CWC27: variants seen among roughly 807,000 people sequenced by gnomAD.
CWC27 encodes the protein spliceosome-associated protein CWC27 homolog.
CWC27 carries 47 observed loss-of-function variants against 63.6 expected under a neutral mutation model. The ratio of observed to expected loss-of-function variants is 0.74; its 90% confidence interval spans 0.58 to 0.94. The LOEUF (loss-of-function observed/expected upper bound fraction) is 0.94, where lower values mean the gene tolerates loss of function less well. Among genes scored for constraint, CWC27 ranks in the 40% least tolerant of loss-of-function variants. The pLI, the probability that CWC27 is intolerant of heterozygous loss-of-function variation, is 0.00. For synonymous variants in CWC27, 175 were observed against 179.8 expected (o/e 0.97, Z 0.22); for missense variants, 495 against 554.3 (o/e 0.89, Z 1.07).
At chr5:64,984,233 T>C (rs563888907) in intron 13 of CWC27, among the ~76,000 whole-genome samples, 267 of 152,242 alleles carry the variant, frequency 1.8e-3, no homozygotes, top group African/African-American at 6.1e-3. Flanking sequence ...CTCTATGGGG[T>C]AGGTATTATT....
intron 10 of CWC27, among the ~76,000 whole-genome samples, chr5:64,810,784 G>A (rs982013144): frequency 7.0e-4 from 106 of 152,052 alleles, no homozygotes; most frequent in African/African-American, 2.5e-3. Context: ...GATTATTTCT[G>A]AGGTATAGAA....
In CWC27 at chr5:64,925,257, C is replaced by T. The variant is rs1336950435; in HGVS notation, c.1042+39711C>T. Among the ~76,000 whole-genome samples the T allele has an allele frequency of 6.6e-5, 10 of 152,276 alleles. No homozygotes were observed. The East Asian group carries it at 1.9e-3, about 29-fold the overall frequency. ...ATTTCAGGCACACCTTTGTCAGAGG[C>T]TAAAATGATGTCAAGTAGACCTGAA... On this transcript the variant is annotated intron_variant, in intron 11 of 13. Transcript: ENST00000381070.
chr5:64,890,101 G>C (rs1019053112), intron 11 of CWC27, among the ~76,000 whole-genome samples: 1 of 152,182 alleles, frequency 6.6e-6, no homozygotes, highest in African/African-American at 2.4e-5. Context: ...GCTTTAAAGA[G>C]ATAAGGTGTT....
intron 10 of CWC27, among the ~76,000 whole-genome samples, chr5:64,817,121 C>T (rs1745058941): frequency 6.6e-6 from 1 of 152,040 alleles, no homozygotes; most frequent in Admixed American, 6.6e-5. Context: ...ACTCTTTTTG[C>T]TCACTTTGCA....
intron 10 of CWC27, among the ~76,000 whole-genome samples, chr5:64,843,088 T>C (rs1041694088): frequency 2.6e-5 from 4 of 152,280 alleles, no homozygotes; most frequent in Admixed American, 1.3e-4. Context: ...GATTTATCTG[T>C]GTTTTTCTAA....
intron 10 of CWC27, among the ~76,000 whole-genome samples, chr5:64,883,803 C>T (rs766615808): frequency 6.6e-6 from 1 of 152,148 alleles, no homozygotes; most frequent in Non-Finnish European, 1.5e-5. Flanking sequence ...ATAATAATCA[C>T]TTGATTTGAG....
chr5:64,978,658 C>CT (rs1749276692), intron 13 of CWC27, among the ~76,000 whole-genome samples: 1 of 141,548 alleles, frequency 7.1e-6, no homozygotes, highest in East Asian at 2.1e-4. Context: ...CTCAAAATCT[C>CT]TTTCAAATGT....
intron 11 of CWC27, among the ~76,000 whole-genome samples, chr5:64,898,587 A>T (rs1384260223): frequency 6.6e-6 from 1 of 152,080 alleles, no homozygotes; most frequent in Non-Finnish European, 1.5e-5. Flanking sequence ...ACGTACAAGG[A>T]GTGTCATTAG....
At chr5:64,922,903 A>G (rs1370322335) in intron 11 of CWC27, among the ~76,000 whole-genome samples, 1 of 151,700 alleles carries the variant, frequency 6.6e-6, no homozygotes, top group African/African-American at 2.4e-5. Context: ...TCAGCTTCAC[A>G]CTCCTGGGCT....
intron 10 of CWC27, among the ~76,000 whole-genome samples, chr5:64,847,344 A>G (rs546703862): frequency 3.4e-4 from 52 of 152,240 alleles, no homozygotes; most frequent in Non-Finnish European, 6.9e-4. Flanking sequence ...TACAACAATT[A>G]TAAATATGTT....
At chr5:64,887,175 A>T (rs988428229) in intron 11 of CWC27, among the ~76,000 whole-genome samples, 2 of 152,108 alleles carry the variant, frequency 1.3e-5, no homozygotes, top group Non-Finnish European at 2.9e-5. Context: ...AGTGAAAGAA[A>T]TGCAATAGGT....
chr5:64,786,857 C>T (rs980479303), intron 6 of CWC27, among the ~76,000 whole-genome samples: 4 of 151,986 alleles, frequency 2.6e-5, no homozygotes, highest in South Asian at 4.2e-4. Flanking sequence ...TGTATTAGTC[C>T]GTTTTCACAC....
chr5:64,973,267 A>T (rs547853519), intron 12 of CWC27, among the ~76,000 whole-genome samples: 2 of 152,334 alleles, frequency 1.3e-5, no homozygotes, highest in East Asian at 3.9e-4. Flanking sequence ...GGAACCATTG[A>T]CAGAAGGAAG....
chr5:64,924,527 C>T (rs1748067184), intron 11 of CWC27, among the ~76,000 whole-genome samples: 1 of 152,224 alleles, frequency 6.6e-6, no homozygotes, highest in South Asian at 2.1e-4. Flanking sequence ...GCAGCAGCCT[C>T]TTCCTTCTAA....
intron 7 of CWC27, among the ~76,000 whole-genome samples, chr5:64,798,537 C>T (rs1216633602): frequency 6.6e-6 from 1 of 152,180 alleles, no homozygotes; most frequent in East Asian, 1.9e-4. Context: ...TTGCATAATT[C>T]AGATTCTATG....
At chr5:64,828,332 T>C (rs541804524) in intron 10 of CWC27, among the ~76,000 whole-genome samples, 12 of 152,132 alleles carry the variant, frequency 7.9e-5, no homozygotes, top group Non-Finnish European at 1.0e-4. Context: ...TATGGAAGTT[T>C]AAAGTTGAAA....
chr5:64,908,460 G>T (rs1747710977), intron 11 of CWC27, among the ~76,000 whole-genome samples: 1 of 152,160 alleles, frequency 6.6e-6, no homozygotes, highest in Non-Finnish European at 1.5e-5. Context: ...CTGTCTCGTT[G>T]ATCTGTCTAA....
chr5:64,818,959 A>G (rs1561421232), intron 10 of CWC27, among the ~76,000 whole-genome samples: 1 of 152,232 alleles, frequency 6.6e-6, no homozygotes, highest in Non-Finnish European at 1.5e-5. Context: ...TTTAGTAGCT[A>G]TTTAAAGATA....
intron 13 of CWC27, among the ~76,000 whole-genome samples, chr5:64,978,269 G>A (rs1749266420): frequency 6.6e-6 from 1 of 152,216 alleles, no homozygotes; most frequent in Admixed American, 6.5e-5. Flanking sequence ...CAAAAGGGCT[G>A]AGGGCATGAT....
Sources: allele counts gnomAD v4.1 joint callset (sites outside exome capture counted in the v4.1 genomes callset), GRCh38; gene constraint gnomAD v4.1.1; transcripts MANE v1.5; gene names NCBI Gene and HGNC (gene_info 2026-07-23, HGNC 2026-07-21).